Variants in UTP15 observed in about 807,000 individuals in gnomAD.
The protein encoded by UTP15 is UTP15 small subunit processome component, also known as U3 small nucleolar RNA-associated protein 15 homolog.
A neutral mutation model predicts 59.1 loss-of-function variants in UTP15; 5 were observed. That is an observed-to-expected ratio of 0.08 (90% CI 0.04 to 0.18). UTP15 has a LOEUF of 0.18. Ranked by LOEUF, UTP15 falls within the 10% of genes least tolerant of loss-of-function variation. UTP15 has a pLI of 1.00. For missense variants in UTP15, 494 were observed against 616.7 expected (o/e 0.80, Z 2.11); for synonymous variants, 211 against 212.2 (o/e 0.99, Z 0.05).
At chr5:73,574,491 A>AT (rs34417829) in intron 7 of UTP15, among the ~76,000 whole-genome samples, 40,073 of 146,658 alleles carry the variant, frequency 0.27, 5,433 homozygotes, top group African/African-American at 0.31. Context: ...TTTATTATTA[A>AT]TTTTTTTTTT....
chr5:73,567,369 A>T lies in UTP15; in HGVS notation c.25A>T (p.Ile9Phe), dbSNP rs946171082. Residue 9 changes from isoleucine to phenylalanine, a missense_variant, in exon 2 of 13, where the codon ATT becomes TTT. Ile to Phe is a conservative substitution (Grantham distance 21). Coordinates refer to ENST00000296792, the MANE Select transcript of UTP15 (RefSeq NM_032175.4). ...TATGGCTGGTTATAAGCCTGTAGCT[A>T]TTCAGACATATCCTATACTTGGTGA... MAGYKPVAIQTYPILGEKI... is the reference protein window; with the variant it reads MAGYKPVAFQTYPILGEKI... 6.2e-7 allele frequency: 1 copy of T among 1,609,410 alleles called. No homozygotes were observed. The highest frequency in any genetic ancestry group is 2.2e-5 in the East Asian group (1 of 44,538).
intron 6 of UTP15, 77 bp downstream of exon 6, chr5:73,570,788 T>G (rs1747909865): frequency 7.6e-6 from 12 of 1,578,942 alleles, no homozygotes; most frequent in Non-Finnish European, 8.7e-6. Flanking sequence ...CTCTTTGTAA[T>G]TTATCAGTGT....
rs1748315153 is a variant in UTP15 at position 73,581,659 on chromosome 5, TTCCAG to T, written c.*1567_*1571del. The stretch of plus-strand genomic sequence containing the variant: ...TTAAGCCGAAAAAATGCTTAATATG[TTCCAG>T]TAAGGGTATTAAGTAAAAATTAAAT... On this transcript the variant is annotated 3_prime_UTR_variant, in exon 13 of 13. Transcript: ENST00000296792. 1 of 152,108 alleles carries T rather than the reference TTCCAG, an allele frequency of 6.6e-6. No homozygotes were observed. The highest frequency in any genetic ancestry group is 2.4e-5 in the African/African-American group (1 of 41,420). 9.4% of individuals were successfully genotyped at this position (152,108 alleles called of 1,614,324 possible).
At chr5:73,579,513 C>G (rs558636567) in intron 12 of UTP15, 138 bp downstream of exon 12, 3 of 718,654 alleles carry the variant, frequency 4.2e-6, no homozygotes, top group African/African-American at 3.6e-5. Context: ...GAGAAAACAA[C>G]AAGTCAGTGC....
chr5:73,572,954 T>C (rs1446742834), intron 7 of UTP15, among the ~76,000 whole-genome samples: 2 of 151,900 alleles, frequency 1.3e-5, no homozygotes, highest in Admixed American at 6.6e-5. Context: ...CGCGCCACAA[T>C]GCCCGGCTAA....
rs1425484803 is a variant in UTP15 at position 73,580,252 on chromosome 5, G to A, written c.*158G>A. Reference sequence around the variant, plus strand: ...AATTATGGCCGGAAAACAAGTACCCGTTTTAAGTAAGACATGGTTTTCCAT... The same window carrying A: ...AATTATGGCCGGAAAACAAGTACCCATTTTAAGTAAGACATGGTTTTCCAT... On this transcript the variant is annotated 3_prime_UTR_variant, in exon 13 of 13. Transcript: ENST00000296792. 1.4e-5 allele frequency: 8 copies of A among 566,332 alleles called. No homozygotes were observed. The highest frequency in any genetic ancestry group is 5.7e-5 in the African/African-American group (3 of 52,468). The allele number at this position is 566,332 out of a possible 1,614,324, so 35.1% of individuals were successfully genotyped here.
At chr5:73,578,976 G>A (rs12652195) in intron 10 of UTP15, 41 bp from the exon 11 acceptor site, 582,689 of 1,593,188 alleles carry the variant, frequency 0.37, 110,746 homozygotes, top group Middle Eastern at 0.43. Context: ...TTTTTTTTGT[G>A]CTGTTTTGTC....
At chr5:73,569,746 C>G (rs770028779) in intron 5 of UTP15, 71 bp downstream of exon 5, 74 of 1,333,256 alleles carry the variant, frequency 5.6e-5, no homozygotes, top group Non-Finnish European at 7.2e-5. Context: ...CTATGGGACT[C>G]TTTTGGGATG....
At position 73,582,181 on chromosome 5, in the gene UTP15, C is replaced by G. The variant is rs1748339418; in HGVS notation, c.*2087C>G. ...TTAACGAAAGTAGTTGATTCACTCT[C>G]GAAGTCCCTGAGTGTGAGCTCTTCA... On this transcript the variant is annotated 3_prime_UTR_variant, in exon 13 of 13. Transcript: ENST00000296792. The G allele has an allele frequency of 6.6e-6, 1 of 152,164 alleles. No homozygotes were observed. The highest frequency in any genetic ancestry group is 6.6e-5 in the Admixed American group (1 of 15,254). 9.4% of individuals were successfully genotyped at this position (152,164 alleles called of 1,614,324 possible). A position where few individuals can be genotyped will look rare whatever the true frequency, so the allele number is the denominator to read the frequency against.
At chr5:73,579,203 A>G in intron 11 of UTP15, 53 bp downstream of exon 11, 5 of 1,608,882 alleles carry the variant, frequency 3.1e-6, no homozygotes, top group Non-Finnish European at 4.2e-6. Context: ...ATCCTTTATC[A>G]CCAAATAAAA....
rs1748346235 is a variant in UTP15, at chr5:73,582,367, A to G, written c.*2273A>G. On this transcript the variant is annotated 3_prime_UTR_variant, in exon 13 of 13. Transcript: ENST00000296792. ...ATAGCCATCAATACTTAAATTCAGG[A>G]GTACTTTTTTGTTTGTTTGTTTTGT... 6.6e-6 allele frequency: 1 copy of G among 152,108 alleles called. No homozygotes were observed. The highest frequency in any genetic ancestry group is 2.4e-5 in the African/African-American group (1 of 41,410). The allele number at this position is 152,108 out of a possible 1,614,324, so 9.4% of individuals were successfully genotyped here.
rs965299138 is a variant in UTP15, at chr5:73,583,237, T to G, written c.*3143T>G. 2 of 152,222 alleles carry G rather than the reference T, an allele frequency of 1.3e-5. No homozygotes were observed. Among genetic ancestry groups the G allele is most frequent in the African/African-American group, 4.8e-5 (2 of 41,458 alleles). The allele number at this position is 152,222 out of a possible 1,614,324, so 9.4% of individuals were successfully genotyped here. On this transcript the variant is annotated 3_prime_UTR_variant, in exon 13 of 13. Coordinates refer to ENST00000296792, the MANE Select transcript of UTP15 (RefSeq NM_032175.4). ...AGGGATTTGTAATTGGGATTTATAA[T>G]GAAATTCCTGATCTGGGAAAATGGG...
At position 73,568,236 on chromosome 5, in the gene UTP15, C is replaced by A. The variant is rs142983041; in HGVS notation, c.92C>A (p.Thr31Asn). Residue 31 changes from threonine to asparagine, a missense_variant and splice_region_variant, in exon 3 of 13, where the codon ACC (threonine) becomes AAC (asparagine). Physicochemically the swap from Thr to Asn is moderately conservative, Grantham distance 65 (BLOSUM62 0). Coordinates refer to ENST00000296792, the MANE Select transcript of UTP15 (RefSeq NM_032175.4). ...AACACACTATTATTTTTTATTAAGACCCCTGTTCAGATTAAGGAATTTGGT... is the reference window on the plus strand; with the variant it reads ...AACACACTATTATTTTTTATTAAGAACCCTGTTCAGATTAAGGAATTTGGT... ...QDTLYWNNYK[T>N]PVQIKEFGAV... 233 of 1,605,892 alleles carry A rather than the reference C, an allele frequency of 1.5e-4. No homozygotes were observed. In the African/African-American group the frequency reaches 2.8e-3, roughly 20 times the overall value.
chr5:73,572,255 T>C (rs1048835047), intron 6 of UTP15, among the ~76,000 whole-genome samples: 1 of 152,232 alleles, frequency 6.6e-6, no homozygotes, highest in Non-Finnish European at 1.5e-5. Flanking sequence ...TTGCTGGAAT[T>C]TATGTACACT....
At chr5:73,567,840 A>G (rs995959168) in intron 2 of UTP15, among the ~76,000 whole-genome samples, 1 of 152,222 alleles carries the variant, frequency 6.6e-6, no homozygotes, top group Non-Finnish European at 1.5e-5. Context: ...GCTCCTATGA[A>G]AGCTAATATG....
chr5:73,577,994 A>C lies in UTP15; in HGVS notation c.1033A>C (p.Met345Leu), dbSNP rs1378775299. The C allele has an allele frequency of 1.9e-6, 3 of 1,582,856 alleles. No individual in the cohort carries two copies. Among genetic ancestry groups the C allele is most frequent in the Non-Finnish European group, 2.6e-6 (3 of 1,171,294 alleles). Residue 345 changes from methionine to leucine, a missense_variant, in exon 9 of 13, where the codon ATG becomes CTG. Transcript: ENST00000296792. Reference protein sequence around the residue: ...YRTFIKGKNYMKQRDDILINR... With the variant: ...YRTFIKGKNYLKQRDDILINR... Reference sequence around the variant, plus strand: ...AACCTTTATTAAAGGAAAAAATTACATGAAGCAACGGGTATTTGTGCATTT... The same window carrying C: ...AACCTTTATTAAAGGAAAAAATTACCTGAAGCAACGGGTATTTGTGCATTT...
chr5:73,572,639 T>G lies in UTP15; in HGVS notation c.809+15T>G. The G allele has an allele frequency of 6.2e-7, 1 of 1,605,436 alleles. No homozygotes were observed. Among genetic ancestry groups the G allele is most frequent in the South Asian group, 1.1e-5 (1 of 88,904 alleles). On this transcript the variant is annotated intron_variant, in intron 7 of 12. Coordinates refer to ENST00000296792, the MANE Select transcript of UTP15 (RefSeq NM_032175.4). ...TCACTGGATAGGTTGGCATTTTAAT[T>G]TTTTTGTATATTATTATTAGTGTAC...
rs761749095 is a variant in UTP15, at chr5:73,568,237, C to G, written c.93C>G (p.Thr31=). 1 of 1,605,698 alleles carries G rather than the reference C, an allele frequency of 6.2e-7. No homozygotes were observed. Among genetic ancestry groups the G allele is most frequent in the African/African-American group, 1.3e-5 (1 of 74,424 alleles). Residue 31 remains threonine (T), a splice_region_variant and synonymous_variant, in exon 3 of 13, where the codon ACC becomes ACG. Coordinates refer to ENST00000296792, the MANE Select transcript of UTP15 (RefSeq NM_032175.4). The part of the protein sequence containing the change: ...QDTLYWNNYK[T]PVQIKEFGAV... The stretch of plus-strand genomic sequence containing the variant: ...ACACACTATTATTTTTTATTAAGAC[C>G]CCTGTTCAGATTAAGGAATTTGGTG...
rs944846584 is a variant in UTP15, at chr5:73,573,375, G to A, written c.809+751G>A. 4.0e-5 allele frequency among the ~76,000 whole-genome samples: 6 copies of A among 150,968 alleles called. No homozygotes were observed. In the East Asian group the frequency reaches 9.9e-4, roughly 25 times the overall value. On this transcript the variant is annotated intron_variant, in intron 7 of 12. Coordinates refer to ENST00000296792, the MANE Select transcript of UTP15 (RefSeq NM_032175.4). ...CGATTCTCGTGACCCAGCCTCCCAA[G>A]TAGCTGGGATTACAGGTGTGCAGCA...
Sources: allele counts gnomAD v4.1 joint callset (sites outside exome capture counted in the v4.1 genomes callset), GRCh38; gene constraint gnomAD v4.1.1; transcripts MANE v1.5; gene names NCBI Gene and HGNC (gene_info 2026-07-23, HGNC 2026-07-21).